The following DYSF variants were observed in gnomAD, a reference collection of about 807,000 sequenced individuals.
DYSF encodes dysferlin.
DYSF carries 212 observed loss-of-function variants against 274.9 expected under a neutral mutation model. The observed-to-expected ratio is 0.77, with a 90% CI of 0.69 to 0.86. The LOEUF is 0.86. Ranked by LOEUF, DYSF falls within the 40% of genes least tolerant of loss-of-function variation. The pLI, the probability that DYSF is intolerant of heterozygous loss-of-function variation, is 0.00. For missense variants in DYSF, 2,666 were observed against 2,783.2 expected (o/e 0.96, Z 0.95); for synonymous variants, 1,091 against 1,078.7 (o/e 1.01, Z -0.22).
intron 16 of DYSF, among the ~76,000 whole-genome samples, chr2:71,536,973 A>AAAC (rs568522624): frequency 6.6e-6 from 1 of 152,034 alleles, no homozygotes; most frequent in Non-Finnish European, 1.5e-5. Flanking sequence ...AAACCAAACC[A>AAAC]AACAACAACA....
At chr2:71,639,927 T>A (rs1331531668) in intron 41 of DYSF, among the ~76,000 whole-genome samples, 26 of 152,348 alleles carry the variant, frequency 1.7e-4, no homozygotes, top group Middle Eastern at 3.4e-3. Context: ...GTAAGAGCAA[T>A]AAACACTTAC....
At chr2:71,463,193 G>T (rs1453639786), upstream of DYSF, among the ~76,000 whole-genome samples, 3 of 152,236 alleles carry the variant, frequency 2.0e-5, no homozygotes, top group African/African-American at 7.2e-5. Context: ...CTCAAAGTCT[G>T]GAGGGGGTTG....
intron 40 of DYSF, among the ~76,000 whole-genome samples, chr2:71,616,674 G>A (rs11898306): frequency 0.27 from 40,832 of 151,904 alleles, 6,453 homozygotes; most frequent in Middle Eastern, 0.39. Flanking sequence ...TTTAGAAAAC[G>A]ATATATTCAT....
intron 23 of DYSF, 24 bp from the exon 24 acceptor site, chr2:71,564,034 C>T (rs777847694): frequency 1.2e-5 from 19 of 1,613,356 alleles, no homozygotes; most frequent in Admixed American, 6.7e-5. Context: ...ACCATCCCCA[C>T]CCCGACCACC....
intron 16 of DYSF, among the ~76,000 whole-genome samples, chr2:71,537,853 A>G (rs1559106608): frequency 2.0e-5 from 3 of 152,146 alleles, no homozygotes. Context: ...GAGGGGGTCT[A>G]CGGGGCACCA....
At position 71,513,873 on chromosome 2, in the gene DYSF, T is replaced by A. The variant is rs1309219943; in HGVS notation, c.711T>A (p.Ser237Arg). Residue 237 changes from serine to arginine, a missense_variant, in exon 7 of 56, where the codon AGT (serine) becomes AGA (arginine). Transcript: ENST00000410020. ...PHYPGIKRKRSAPTSRKLLSD... is the reference protein window; with the variant it reads ...PHYPGIKRKRRAPTSRKLLSD... Reference sequence around the variant, plus strand: ...ACCCCGGGATCAAAAGAAAGCGAAGTGCGCCTACATCTAGAAAGCTGCTGT... The same window carrying A: ...ACCCCGGGATCAAAAGAAAGCGAAGAGCGCCTACATCTAGAAAGCTGCTGT... The A allele has an allele frequency of 6.2e-7, 1 of 1,614,208 alleles. No homozygotes were observed. The highest frequency in any genetic ancestry group is 1.7e-5 in the Admixed American group (1 of 60,028).
At position 71,681,003 on chromosome 2, in the gene DYSF, C is replaced by A; in HGVS notation, c.6066C>A (p.Gly2022=). 1 of 1,614,098 alleles carries A rather than the reference C, an allele frequency of 6.2e-7. No homozygotes were observed. Among genetic ancestry groups the A allele is most frequent in the South Asian group, 1.1e-5 (1 of 91,070 alleles). The change falls in exon 54 of 56, where the codon GGC becomes GGA. Residue 2022 remains glycine (G), a splice_region_variant and synonymous_variant. Transcript: ENST00000410020. ...CCAAGTGCTCTCTGTCCCCTCAGGG[C>A]AAGCTGGAAATGACCTTGGAGATTG... is the stretch of plus-strand genomic sequence containing the variant. The part of the protein sequence containing the change: ...AEEGEKKILA[G]KLEMTLEIVA...
chr2:71,617,408 C>T (rs566384677), intron 40 of DYSF, among the ~76,000 whole-genome samples: 1 of 152,326 alleles, frequency 6.6e-6, no homozygotes, highest in African/African-American at 2.4e-5. Flanking sequence ...ACCAGGGAAG[C>T]TTCTCCGGGA....
intron 45 of DYSF, among the ~76,000 whole-genome samples, chr2:71,661,786 T>G (rs1402296246): frequency 6.6e-6 from 1 of 152,090 alleles, no homozygotes; most frequent in Non-Finnish European, 1.5e-5. Flanking sequence ...GTCTGTTGAG[T>G]TAGTTGTGGT....
chr2:71,613,396 C>T lies in DYSF; in HGVS notation c.4450C>T (p.Leu1484Phe). 1.9e-6 allele frequency: 3 copies of T among 1,613,122 alleles called. No individual in the cohort carries two copies. Among genetic ancestry groups the T allele is most frequent in the Non-Finnish European group, 2.5e-6 (3 of 1,179,618 alleles). Residue 1484 changes from leucine to phenylalanine, a missense_variant, in exon 40 of 56, where the codon CTC becomes TTC. Transcript: ENST00000410020. ...CATCGACATTGATGACAAGGAGCCC[C>T]TCATCCCCATCCAGGTAGGATGGGC... ...VLIDIDDKEP[L>F]IPIQLADGLS...
intron 22 of DYSF, among the ~76,000 whole-genome samples, chr2:71,559,380 A>T (rs2091565771): frequency 6.6e-6 from 1 of 151,802 alleles, no homozygotes; most frequent in Non-Finnish European, 1.5e-5. Flanking sequence ...TGCCTCACCC[A>T]TGTCCTTCCT....
rs1172643225 is a variant in DYSF at position 71,561,801 on chromosome 2, C to G, written c.2266C>G (p.Gln756Glu). The G allele has an allele frequency of 6.2e-7, 1 of 1,614,156 alleles. No homozygotes were observed. The highest frequency in any genetic ancestry group is 1.7e-5 in the Admixed American group (1 of 60,018). Residue 756 changes from glutamine to glutamate, a missense_variant, in exon 23 of 56, where the codon CAG becomes GAG. By Grantham distance (29) the Gln-to-Glu change is conservative (BLOSUM62 2). This residue lies in a region of DYSF where 412 missense variants were observed against 504.0 expected (regional missense o/e 0.82). Transcript: ENST00000410020. ...GACACCCTCTGCCACCCACCTGGAC[C>G]AGTACCTGTACCAGCTGCGCACCCA... ...HETPSATHLD[Q>E]YLYQLRTHHL...
intron 12 of DYSF, among the ~76,000 whole-genome samples, chr2:71,524,568 A>C (rs550893878): frequency 6.6e-6 from 1 of 152,304 alleles, no homozygotes; most frequent in Admixed American, 6.5e-5. Context: ...AGTGTGACTG[A>C]GTGAGAAATG....
chr2:71,481,557 G>A (rs918695684), intron 2 of DYSF, among the ~76,000 whole-genome samples: 2 of 152,218 alleles, frequency 1.3e-5, no homozygotes, highest in African/African-American at 4.8e-5. Flanking sequence ...CTTTTTCCCA[G>A]CCACACTCCT....
intron 2 of DYSF, among the ~76,000 whole-genome samples, chr2:71,481,471 C>T (rs968344785): frequency 1.3e-5 from 2 of 152,242 alleles, no homozygotes; most frequent in East Asian, 1.9e-4. Context: ...GGCACTAACT[C>T]GTGCTGCCTA....
At position 71,602,330 on chromosome 2, in the gene DYSF, C is replaced by T. The variant is rs114141603; in HGVS notation, c.3928-446C>T. ...TCCCTTCATGCAAGCCCTCCTTCAC[C>T]AGCCCTGCCCCTCCAGCTCTCCCTC... On this transcript the variant is annotated intron_variant, in intron 35 of 55. Coordinates refer to ENST00000410020, the MANE Select transcript of DYSF (RefSeq NM_001130987.2). Among the ~76,000 whole-genome samples, 922 of 152,266 alleles carry T rather than the reference C, an allele frequency of 6.1e-3. 9 individuals are homozygous for T. Among genetic ancestry groups the T allele is most frequent in the African/African-American group, 0.021 (874 of 41,542 alleles).
upstream of DYSF, among the ~76,000 whole-genome samples, chr2:71,465,592 T>C (rs2081482930): frequency 6.6e-6 from 1 of 151,944 alleles, no homozygotes; most frequent in African/African-American, 2.4e-5. Context: ...GGAGGCGGAG[T>C]TGGATTCGCC....
At chr2:71,497,858 A>G (rs1371226191) in intron 3 of DYSF, among the ~76,000 whole-genome samples, 1 of 152,226 alleles carries the variant, frequency 6.6e-6, no homozygotes, top group Non-Finnish European at 1.5e-5. Context: ...GCATTCTTCT[A>G]AAGACCTAAG....
intron 41 of DYSF, among the ~76,000 whole-genome samples, chr2:71,629,907 G>C (rs1457390976): frequency 6.6e-6 from 1 of 152,050 alleles, no homozygotes; most frequent in Non-Finnish European, 1.5e-5. Context: ...TCTCCTTCAG[G>C]GTTGTGTACT....
Sources: gnomAD v4.1 joint callset for allele counts (sites outside exome capture counted in the v4.1 genomes callset) on GRCh38, gnomAD v4.1.1 for gene constraint, gnomAD v4.1.1 regional missense constraint, MANE v1.5 for transcripts, NCBI Gene and HGNC (gene_info 2026-07-23, HGNC 2026-07-21) for gene names.